The following KCNQ1 variants were observed in gnomAD, a reference collection of about 807,000 sequenced individuals.
KCNQ1 encodes the protein potassium voltage-gated channel subfamily KQT member 1.
A neutral mutation model predicts 72.4 loss-of-function variants in KCNQ1; 49 were observed. That is an observed-to-expected ratio of 0.68 (90% confidence interval 0.54 to 0.86). The LOEUF (loss-of-function observed/expected upper bound fraction) is 0.86. Among genes scored for constraint, KCNQ1 ranks in the 40% least tolerant of loss-of-function variants. The pLI is 0.00. For synonymous variants in KCNQ1, 450 were observed against 412.6 expected, an observed-to-expected ratio of 1.09 and a Z score of -1.10; for missense variants, 790 against 945.1, an observed-to-expected ratio of 0.84 and a Z score of 2.15.
chr11:2,736,871 A>G (rs778004375), intron 11 of KCNQ1, among the ~76,000 whole-genome samples: 6 of 152,192 alleles, frequency 3.9e-5, no homozygotes, highest in Non-Finnish European at 5.9e-5. Context: ...CAGGGACCCC[A>G]CAGTCACAGG....
rs536227750 is a variant in KCNQ1 at position 2,446,937 on chromosome 11, A to G, written c.386+1453A>G. ...ATGCCACTGTGCAAATGTCTAGCAG[A>G]TGCCAGGTTCACAGGTGCTGTGTGC... On this transcript the variant is annotated intron_variant, in intron 1 of 15. Transcript: ENST00000155840. This position sits in a 1 kb window ranked among gnomAD's most constrained non-coding sequence, Gnocchi z 8.8. Among the ~76,000 whole-genome samples, 1 of 152,338 alleles carries G rather than the reference A, an allele frequency of 6.6e-6. No homozygotes were observed. Among genetic ancestry groups the G allele is most frequent in the East Asian group, 1.9e-4 (1 of 5,182 alleles).
chr11:2,844,932 G>C (rs1487180934), intron 15 of KCNQ1, among the ~76,000 whole-genome samples: 1 of 152,222 alleles, frequency 6.6e-6, no homozygotes, highest in African/African-American at 2.4e-5. Flanking sequence ...CCAGTATGCG[G>C]GGCCCAGGGA....
intron 3 of KCNQ1, 113 bp downstream of exon 3, chr11:2,570,867 C>A: frequency 6.8e-7 from 1 of 1,472,180 alleles, no homozygotes; most frequent in Non-Finnish European, 9.3e-7. Context: ...ACCCCAAGGC[C>A]AGCAGGGGGT....
intron 15 of KCNQ1, among the ~76,000 whole-genome samples, chr11:2,833,986 G>T (rs1450536393): frequency 6.6e-6 from 1 of 152,210 alleles, no homozygotes; most frequent in Non-Finnish European, 1.5e-5. Flanking sequence ...GGGCTGGGGG[G>T]CAGCAGAACC....
In KCNQ1 at chr11:2,720,776, G is replaced by A. The variant is rs1486661740; in HGVS notation, c.1515-48068G>A. Among the ~76,000 whole-genome samples the A allele has an allele frequency of 1.3e-5, 2 of 152,130 alleles. No individual in the cohort carries two copies. The highest frequency in any genetic ancestry group is 4.8e-5 in the African/African-American group (2 of 41,418). On this transcript the variant is annotated intron_variant, in intron 11 of 15. Transcript: ENST00000155840. The surrounding 1 kb of genome is among the most constrained non-coding windows in gnomAD (Gnocchi z 5.1). ...CATAGTGTGTCCCTCTCAGCCAATGGGAAGTCGTGCCCTTGGATCATTTGG... is the reference window on the plus strand; with the variant it reads ...CATAGTGTGTCCCTCTCAGCCAATGAGAAGTCGTGCCCTTGGATCATTTGG...
rs1000858542 is a variant in KCNQ1, at chr11:2,491,138, G to C, written c.387-36790G>C. ...CCTGGAAAGCTTTACCAAGAAAGATGGGTACAAACAAGCCCAGACTGCAAA... is the reference window on the plus strand; with the variant it reads ...CCTGGAAAGCTTTACCAAGAAAGATCGGTACAAACAAGCCCAGACTGCAAA... On this transcript the variant is annotated intron_variant, in intron 1 of 15. Transcript: ENST00000155840. The surrounding 1 kb of genome is among the most constrained non-coding windows in gnomAD (Gnocchi z 4.1). Among the ~76,000 whole-genome samples the C allele has an allele frequency of 6.6e-6, 1 of 152,132 alleles. No homozygotes were observed. The highest frequency in any genetic ancestry group is 1.5e-5 in the Non-Finnish European group (1 of 68,036).
chr11:2,545,185 T>C (rs1847888187), intron 2 of KCNQ1, among the ~76,000 whole-genome samples: 1 of 152,266 alleles, frequency 6.6e-6, no homozygotes, highest in Admixed American at 6.5e-5. Context: ...CTTGACTTGT[T>C]AAAATTTTGC....
At chr11:2,839,331 C>T (rs1034749611) in intron 15 of KCNQ1, among the ~76,000 whole-genome samples, 3 of 152,250 alleles carry the variant, frequency 2.0e-5, no homozygotes, top group African/African-American at 4.8e-5. Context: ...CACTGACTCC[C>T]TCCATGACCT....
At position 2,815,861 on chromosome 11, in the gene KCNQ1, G is replaced by A. The variant is rs369916623; in HGVS notation, c.1795-31906G>A. On this transcript the variant is annotated intron_variant, in intron 15 of 15. Transcript: ENST00000155840. This position sits in a 1 kb window ranked among gnomAD's most constrained non-coding sequence, Gnocchi z 5.4. ...CTCACCCAAGGCAAGTTGCTCAGGG[G>A]GTCTCCAGGCTGTATCTAACAGCTG... 1.7e-4 allele frequency among the ~76,000 whole-genome samples: 26 copies of A among 152,306 alleles called. No homozygotes were observed. The highest frequency in any genetic ancestry group is 4.6e-4 in the African/African-American group (19 of 41,562).
chr11:2,448,466 C>T (rs1169958132), intron 1 of KCNQ1, among the ~76,000 whole-genome samples: 1 of 152,228 alleles, frequency 6.6e-6, no homozygotes, highest in East Asian at 1.9e-4. Flanking sequence ...AAAGACAAGG[C>T]CATGCAGAGC....
Position 2,676,452 on chromosome 11 carries a change from C to T in KCNQ1, c.1514+14371C>T. 1 of 398,658 alleles carries T rather than the reference C, an allele frequency of 2.5e-6. No individual in the cohort carries two copies. The highest frequency in any genetic ancestry group is 4.4e-6 in the Non-Finnish European group (1 of 226,092). 24.7% of individuals were successfully genotyped at this position (398,658 alleles called of 1,614,324 possible). On this transcript the variant is annotated intron_variant, in intron 11 of 15. Coordinates refer to ENST00000155840, the MANE Select transcript of KCNQ1 (RefSeq NM_000218.3). The surrounding 1 kb of genome is among the most constrained non-coding windows in gnomAD (Gnocchi z 4.2). ...TCCCAGATAGGACATGCTCACTGTT[C>T]TGCTCAGATTGTTAGCTGTAGTCTT...
intron 1 of KCNQ1, among the ~76,000 whole-genome samples, chr11:2,514,196 C>T (rs1369412901): frequency 6.6e-6 from 1 of 152,200 alleles, no homozygotes. Context: ...TGAGAAGAGC[C>T]GAGGGAGCTG....
chr11:2,542,266 G>T (rs990780901), intron 2 of KCNQ1, among the ~76,000 whole-genome samples: 1 of 152,270 alleles, frequency 6.6e-6, no homozygotes, highest in Non-Finnish European at 1.5e-5. Flanking sequence ...CAATGGCCAA[G>T]AGGGCAAAAG....
chr11:2,687,525 T>G lies in KCNQ1; in HGVS notation c.1514+25444T>G, dbSNP rs1850511545. ...GGACTTGAGACCAGCCTCCTCTGTATGGTCCCTTCCCTGGTGCACCTACCA... is the reference window on the plus strand; with the variant it reads ...GGACTTGAGACCAGCCTCCTCTGTAGGGTCCCTTCCCTGGTGCACCTACCA... On this transcript the variant is annotated intron_variant, in intron 11 of 15. Transcript: ENST00000155840. The surrounding 1 kb of genome is among the most constrained non-coding windows in gnomAD (Gnocchi z 5.0). 5.0e-6 allele frequency: 2 copies of G among 398,596 alleles called. No homozygotes were observed. Among genetic ancestry groups the G allele is most frequent in the African/African-American group, 4.1e-5 (2 of 48,638 alleles). The allele number at this position is 398,596 out of a possible 1,614,324, so 24.7% of individuals were successfully genotyped here.
In KCNQ1 at chr11:2,723,493, A is replaced by G. The variant is rs989304568; in HGVS notation, c.1515-45351A>G. Among the ~76,000 whole-genome samples the G allele has an allele frequency of 1.3e-5, 2 of 152,212 alleles. No homozygotes were observed. Among genetic ancestry groups the G allele is most frequent in the African/African-American group, 4.8e-5 (2 of 41,456 alleles). On this transcript the variant is annotated intron_variant, in intron 11 of 15. Coordinates refer to ENST00000155840, the MANE Select transcript of KCNQ1 (RefSeq NM_000218.3). This position sits in a 1 kb window ranked among gnomAD's most constrained non-coding sequence, Gnocchi z 4.2. ...GGCAGCTGTGGCACGTGGAAGCCCT[A>G]CACAGGCAGCCCCACACCTGGTCCG... is the stretch of plus-strand genomic sequence containing the variant.
At chr11:2,557,023 G>A (rs112358255) in intron 2 of KCNQ1, among the ~76,000 whole-genome samples, 10 of 152,348 alleles carry the variant, frequency 6.6e-5, no homozygotes, top group South Asian at 6.2e-4. Flanking sequence ...AGAGAAGGCC[G>A]TGCCGTAGCT....
At chr11:2,791,961 G>C (rs545915205) in intron 15 of KCNQ1, among the ~76,000 whole-genome samples, 1 of 152,362 alleles carries the variant, frequency 6.6e-6, no homozygotes, top group South Asian at 2.1e-4. Flanking sequence ...CGTTGCCCGG[G>C]TTCCGAGTGC....
At chr11:2,648,975 C>CTTTTTT (rs1849710100) in intron 10 of KCNQ1, 1 of 336,654 alleles carries the variant, frequency 3.0e-6, no homozygotes, top group South Asian at 1.8e-4. Context: ...TCTCTTTTTT[C>CTTTTTT]TTTTTCTTTT....
rs370246395 is a variant in KCNQ1 at position 2,490,441 on chromosome 11, C to T, written c.387-37487C>T. The stretch of plus-strand genomic sequence containing the variant: ...GGCTTTGAGTGAACATAGGTGGTAG[C>T]CAGGTAGTGCTTACAGCGGGCCTTG... On this transcript the variant is annotated intron_variant, in intron 1 of 15. Transcript: ENST00000155840. Among the ~76,000 whole-genome samples, 24 of 152,240 alleles carry T rather than the reference C, an allele frequency of 1.6e-4. 1 individual carries two copies. In the East Asian group the frequency reaches 2.5e-3, roughly 16 times the overall value.
Sources: allele counts gnomAD v4.1 joint callset (sites outside exome capture counted in the v4.1 genomes callset), GRCh38; gene constraint gnomAD v4.1.1; non-coding constraint Gnocchi (gnomAD v3.1); transcripts MANE v1.5; gene names NCBI Gene and HGNC (gene_info 2026-07-23, HGNC 2026-07-21).